The following RCAN2 variants were observed in gnomAD, a reference collection of about 807,000 sequenced individuals.
RCAN2 encodes the protein calcipressin-2.
RCAN2 carries 9 observed loss-of-function variants against 23.6 expected under a neutral mutation model. The observed-to-expected ratio is 0.38, with a 90% CI of 0.23 to 0.67. The LOEUF is 0.67. RCAN2 is among the 30% of genes least tolerant of loss of function. The pLI, the probability that RCAN2 is intolerant of heterozygous loss-of-function variation, is 0.51. For missense variants in RCAN2, 273 were observed against 302.3 expected (o/e 0.90, Z 0.72); for synonymous variants, 109 against 115.7 (o/e 0.94, Z 0.37).
At chr6:46,223,866 A>C (rs1033856817) in intron 4 of RCAN2, among the ~76,000 whole-genome samples, 3 of 152,196 alleles carry the variant, frequency 2.0e-5, no homozygotes, top group Non-Finnish European at 4.4e-5. Context: ...AAGTGTCTAC[A>C]TTCTTGACTG....
At chr6:46,285,522 C>T (rs769197925) in intron 2 of RCAN2, among the ~76,000 whole-genome samples, 4 of 152,172 alleles carry the variant, frequency 2.6e-5, no homozygotes, top group Non-Finnish European at 4.4e-5. Context: ...GCAGGTGATA[C>T]ATGGGTCAGT....
At chr6:46,409,467 A>G (rs192338247) in intron 2 of RCAN2, among the ~76,000 whole-genome samples, 1 of 152,350 alleles carries the variant, frequency 6.6e-6, no homozygotes, top group East Asian at 1.9e-4. Context: ...TACACAAACT[A>G]TATATACATA....
intron 2 of RCAN2, among the ~76,000 whole-genome samples, chr6:46,447,825 A>G (rs1767757611): frequency 6.6e-6 from 1 of 151,848 alleles, no homozygotes; most frequent in Admixed American, 6.5e-5. Flanking sequence ...ATCTAGTAGC[A>G]TACTATGAGA....
intron 4 of RCAN2, among the ~76,000 whole-genome samples, chr6:46,226,245 C>T (rs1186295553): frequency 6.6e-6 from 1 of 152,114 alleles, no homozygotes; most frequent in Non-Finnish European, 1.5e-5. Context: ...GTTCTTTTGG[C>T]TTAGGATTGT....
intron 2 of RCAN2, among the ~76,000 whole-genome samples, chr6:46,387,527 G>T (rs1765793511): frequency 6.6e-6 from 1 of 152,188 alleles, no homozygotes; most frequent in African/African-American, 2.4e-5. Flanking sequence ...GGCCATCAGA[G>T]AAATGCATAT....
At chr6:46,319,063 C>A (rs973509673) in intron 2 of RCAN2, among the ~76,000 whole-genome samples, 5 of 152,116 alleles carry the variant, frequency 3.3e-5, no homozygotes, top group African/African-American at 1.2e-4. Context: ...GATACAGAAC[C>A]TTTACATAAA....
chr6:46,318,415 C>T (rs1763511337), intron 2 of RCAN2, among the ~76,000 whole-genome samples: 1 of 152,050 alleles, frequency 6.6e-6, no homozygotes, highest in Admixed American at 6.5e-5. Flanking sequence ...TAGTTCAGAG[C>T]TGATATATTA....
Position 46,222,930 on chromosome 6 carries a change from C to G in RCAN2, c.*211G>C. ...AAAATACTACTTTTTTCCCTAGAACCTTCTAAATAATGGGTTATACTTAAT... is the reference window on the plus strand; with the variant it reads ...AAAATACTACTTTTTTCCCTAGAACGTTCTAAATAATGGGTTATACTTAAT... On this transcript the variant is annotated 3_prime_UTR_variant, in exon 5 of 5. Coordinates refer to ENST00000371374, the MANE Select transcript of RCAN2 (RefSeq NM_001251974.2). 1.8e-6 allele frequency: 1 copy of G among 557,692 alleles called. No homozygotes were observed. The highest frequency in any genetic ancestry group is 3.2e-6 in the Non-Finnish European group (1 of 312,890). The allele number at this position is 557,692 out of a possible 1,614,324, so 34.5% of individuals were successfully genotyped here.
At chr6:46,254,001 A>C (rs1766822869) in intron 2 of RCAN2, among the ~76,000 whole-genome samples, 1 of 152,200 alleles carries the variant, frequency 6.6e-6, no homozygotes, top group Non-Finnish European at 1.5e-5. Context: ...CAACGAAATC[A>C]CCTAAGGACA....
chr6:46,380,144 T>C (rs1404048456), intron 2 of RCAN2, among the ~76,000 whole-genome samples: 1 of 151,978 alleles, frequency 6.6e-6, no homozygotes, highest in African/African-American at 2.4e-5. Context: ...GATCTCAGGG[T>C]TTTTCAGATT....
chr6:46,463,757 C>T (rs934934676), intron 1 of RCAN2, among the ~76,000 whole-genome samples: 1 of 151,964 alleles, frequency 6.6e-6, no homozygotes, highest in African/African-American at 2.4e-5. Context: ...GTGACTCAAA[C>T]TAAAAAGCAA....
intron 2 of RCAN2, among the ~76,000 whole-genome samples, chr6:46,285,168 G>A (rs1762332000): frequency 6.6e-6 from 1 of 152,192 alleles, no homozygotes; most frequent in Non-Finnish European, 1.5e-5. Flanking sequence ...CTCTAGTTAT[G>A]TGTGTGTATG....
chr6:46,434,284 C>G (rs1767302570), intron 2 of RCAN2, among the ~76,000 whole-genome samples: 1 of 152,184 alleles, frequency 6.6e-6, no homozygotes, highest in South Asian at 2.1e-4. Context: ...CAAAACTTCT[C>G]CTTGGTCTGA....
At chr6:46,314,538 A>C (rs753263711) in intron 2 of RCAN2, among the ~76,000 whole-genome samples, 1 of 152,010 alleles carries the variant, frequency 6.6e-6, no homozygotes, top group Non-Finnish European at 1.5e-5. Context: ...AAAAAACTGA[A>C]CTCAGTTGGG....
At chr6:46,451,353 G>C (rs1195457712) in intron 2 of RCAN2, among the ~76,000 whole-genome samples, 1 of 152,142 alleles carries the variant, frequency 6.6e-6, no homozygotes, top group African/African-American at 2.4e-5. Context: ...AGTAATTAAA[G>C]GGAGGAATAT....
intron 2 of RCAN2, among the ~76,000 whole-genome samples, chr6:46,311,182 C>G (rs1004872190): frequency 3.3e-5 from 5 of 152,158 alleles, no homozygotes; most frequent in Admixed American, 3.3e-4. Context: ...ATCCCATTCC[C>G]TCTCCATGAT....
chr6:46,257,932 A>T (rs562727134), intron 2 of RCAN2, among the ~76,000 whole-genome samples: 2 of 152,366 alleles, frequency 1.3e-5, no homozygotes, highest in African/African-American at 4.8e-5. Flanking sequence ...TTCCTTGTCA[A>T]TCCAAAAGAA....
intron 2 of RCAN2, among the ~76,000 whole-genome samples, chr6:46,435,971 G>A (rs1767351582): frequency 6.6e-6 from 1 of 152,230 alleles, no homozygotes; most frequent in Non-Finnish European, 1.5e-5. Flanking sequence ...GGTACAGTAA[G>A]GAAATGTGTA....
intron 1 of RCAN2, among the ~76,000 whole-genome samples, chr6:46,463,824 A>G (rs2150437076): frequency 6.6e-6 from 1 of 152,338 alleles, no homozygotes; most frequent in African/African-American, 2.4e-5. Flanking sequence ...CAAGACATAC[A>G]AAAAGCAACT....
Sources: gnomAD v4.1 joint callset for allele counts (sites outside exome capture counted in the v4.1 genomes callset) on GRCh38, gnomAD v4.1.1 for gene constraint, MANE v1.5 for transcripts, NCBI Gene and HGNC (gene_info 2026-07-23, HGNC 2026-07-21) for gene names.